The following NT5C1B variants were observed in gnomAD, a reference collection of about 807,000 sequenced individuals.
NT5C1B encodes the protein cytosolic 5'-nucleotidase 1B.
A neutral mutation model predicts 57.8 loss-of-function variants in NT5C1B; 44 were observed. The observed-to-expected ratio is 0.76, with a 90% CI of 0.60 to 0.98. NT5C1B has a LOEUF of 0.98. Among genes scored for constraint, NT5C1B ranks in the 50% least tolerant of loss-of-function variants. The probability of loss-of-function intolerance (pLI) is 0.00; values close to 1 mark genes in which losing one functional copy is unlikely to be tolerated. For synonymous variants in NT5C1B, 284 were observed against 282.6 expected (o/e 1.00, Z -0.05); for missense variants, 742 against 719.5 (o/e 1.03, Z -0.36).
At chr2:18,582,157 T>A (rs1666240617) in intron 6 of NT5C1B, among the ~76,000 whole-genome samples, 1 of 152,224 alleles carries the variant, frequency 6.6e-6, no homozygotes, top group African/African-American at 2.4e-5. Flanking sequence ...GGCAAAAAAA[T>A]TTAAAATGTG....
chr2:18,576,451 A>G, intron 7 of NT5C1B, 83 bp from the exon 8 acceptor site: 1 of 1,485,514 alleles, frequency 6.7e-7, no homozygotes, highest in Non-Finnish European at 8.9e-7. Flanking sequence ...AAATTCTCCC[A>G]GACCTTATGT....
intron 8 of NT5C1B, among the ~76,000 whole-genome samples, chr2:18,573,430 C>A (rs1665387201): frequency 6.7e-6 from 1 of 149,300 alleles, no homozygotes; most frequent in African/African-American, 2.5e-5. Flanking sequence ...TATAAATATA[C>A]CTCAAAAATT....
At chr2:18,583,544 T>C (rs926495301) in intron 5 of NT5C1B, 31 of 286,904 alleles carry the variant, frequency 1.1e-4, no homozygotes, top group African/African-American at 6.3e-4. Context: ...CTTGTAGAGG[T>C]GTCATTTGTT....
At chr2:18,585,019 G>A in intron 3 of NT5C1B, 41 bp from the exon 4 acceptor site, 1 of 1,582,970 alleles carries the variant, frequency 6.3e-7, no homozygotes, top group Non-Finnish European at 8.5e-7. Context: ...AGGCCTGCCT[G>A]CCCATCTCCG....
At chr2:18,587,473 T>A in intron 2 of NT5C1B, 30 bp downstream of exon 2, 3 of 1,601,170 alleles carry the variant, frequency 1.9e-6, no homozygotes, top group Non-Finnish European at 2.5e-6. Context: ...CTCCTTAATT[T>A]CCTCACCTCT....
At chr2:18,573,046 C>T (rs1025757899) in intron 8 of NT5C1B, among the ~76,000 whole-genome samples, 1 of 151,994 alleles carries the variant, frequency 6.6e-6, no homozygotes, top group Admixed American at 6.6e-5. Context: ...CTAGAAATGA[C>T]CTACTCCTTC....
intron 8 of NT5C1B, among the ~76,000 whole-genome samples, chr2:18,568,927 C>T (rs1287390957): frequency 1.3e-5 from 2 of 152,220 alleles, no homozygotes; most frequent in Non-Finnish European, 2.9e-5. Context: ...ACCTTGGGCA[C>T]ATGTCGTCAG....
At chr2:18,572,783 G>C (rs1665324438) in intron 8 of NT5C1B, among the ~76,000 whole-genome samples, 1 of 152,018 alleles carries the variant, frequency 6.6e-6, no homozygotes, top group South Asian at 2.1e-4. Flanking sequence ...AGAAAGAAAA[G>C]AAAAATACTG....
intron 5 of NT5C1B, 48 bp from the exon 6 acceptor site, chr2:18,583,045 G>A (rs771465227): frequency 6.3e-7 from 1 of 1,586,778 alleles, no homozygotes; most frequent in South Asian, 1.2e-5. Flanking sequence ...AGGCAGGGTG[G>A]ATCTGGGGAG....
intron 8 of NT5C1B, among the ~76,000 whole-genome samples, chr2:18,568,671 C>T (rs2148089832): frequency 6.6e-6 from 1 of 152,250 alleles, no homozygotes; most frequent in East Asian, 1.9e-4. Flanking sequence ...AAAAGTCAAG[C>T]CTGTAACAGC....
At chr2:18,565,415 A>G (rs780701290) in intron 8 of NT5C1B, among the ~76,000 whole-genome samples, 2 of 152,170 alleles carry the variant, frequency 1.3e-5, no homozygotes, top group Non-Finnish European at 2.9e-5. Context: ...ATTCTCAACT[A>G]TATATCTATT....
intron 2 of NT5C1B, chr2:18,586,960 C>A: frequency 6.2e-7 from 1 of 1,613,930 alleles, no homozygotes; most frequent in South Asian, 1.1e-5. Flanking sequence ...GTCTGTGGTT[C>A]CCCTCCAGAA....
intron 8 of NT5C1B, among the ~76,000 whole-genome samples, chr2:18,575,965 G>A (rs1198741704): frequency 2.0e-5 from 3 of 152,090 alleles, no homozygotes; most frequent in Non-Finnish European, 4.4e-5. Flanking sequence ...CAAAAGGATA[G>A]ATAAAATAAT....
intron 8 of NT5C1B, among the ~76,000 whole-genome samples, chr2:18,571,285 C>G (rs1343444989): frequency 6.6e-6 from 1 of 151,880 alleles, no homozygotes; most frequent in Non-Finnish European, 1.5e-5. Flanking sequence ...AAATCTCAAT[C>G]TACAAAATTG....
intron 1 of NT5C1B, 132 bp downstream of exon 1, chr2:18,589,307 T>C: frequency 8.1e-7 from 1 of 1,239,650 alleles, no homozygotes; most frequent in South Asian, 1.3e-5. Context: ...CTCTCCCTTC[T>C]CTTTTCCTCT....
At chr2:18,567,482 G>C (rs1292973658) in intron 8 of NT5C1B, among the ~76,000 whole-genome samples, 2 of 152,192 alleles carry the variant, frequency 1.3e-5, no homozygotes, top group Non-Finnish European at 1.5e-5. Context: ...GAAGGGGTAA[G>C]AATGAGGAGA....
chr2:18,579,428 G>A (rs1258508246), intron 6 of NT5C1B, among the ~76,000 whole-genome samples: 1 of 152,108 alleles, frequency 6.6e-6, no homozygotes. Context: ...CATGGTGCCG[G>A]TATAAAAACA....
Position 18,584,121 on chromosome 2 carries a change from G to C in NT5C1B, c.858C>G (p.Ile286Met). 6.2e-7 allele frequency: 1 copy of C among 1,614,178 alleles called. No individual in the cohort carries two copies. Among genetic ancestry groups the C allele is most frequent in the South Asian group, 1.1e-5 (1 of 91,076 alleles). ...AGCGGAACGCCGGGCCCGGGGTCAG[G>C]ATGACGTTCTCATTGGTGAGCTGAT... Residue 286 changes from isoleucine to methionine, a missense_variant, in exon 5 of 9, where the codon ATC becomes ATG. By Grantham distance (10) the Ile-to-Met change is conservative (BLOSUM62 1). Transcript: ENST00000304081. The surrounding 1 kb of genome is among the most constrained non-coding windows in gnomAD (Gnocchi z 5.8).
intron 5 of NT5C1B, chr2:18,583,760 T>G: frequency 2.0e-6 from 1 of 493,108 alleles, no homozygotes; most frequent in Non-Finnish European, 4.0e-6. Context: ...AATATGGCGT[T>G]TTATTTCTAC....
Sources: gnomAD v4.1 joint callset for allele counts (sites outside exome capture counted in the v4.1 genomes callset) on GRCh38, gnomAD v4.1.1 for gene constraint, Gnocchi (gnomAD v3.1) non-coding constraint, MANE v1.5 for transcripts, NCBI Gene and HGNC (gene_info 2026-07-23, HGNC 2026-07-21) for gene names.